Variants in CFAP299 observed in about 807,000 individuals in gnomAD.
The protein encoded by CFAP299 is cilia and flagella associated protein 299.
A neutral mutation model predicts 27.0 loss-of-function variants in CFAP299; 21 were observed. The ratio of observed to expected loss-of-function variants is 0.78; its 90% confidence interval spans 0.55 to 1.12. The LOEUF (loss-of-function observed/expected upper bound fraction) is 1.12, where lower values mean the gene tolerates loss of function less well. Ranked by LOEUF, CFAP299 falls within the 50% of genes most tolerant of loss-of-function variation. CFAP299 has a pLI of 0.00. For synonymous variants in CFAP299, 104 were observed against 98.1 expected, an observed-to-expected ratio of 1.06 and a Z score of -0.36; for missense variants, 310 against 276.6, an observed-to-expected ratio of 1.12 and a Z score of -0.86.
chr4:80,871,489 C>G (rs1331053717), intron 4 of CFAP299: 2 of 985,194 alleles, frequency 2.0e-6, no homozygotes, highest in South Asian at 4.7e-5. Context: ...CTTTATGATT[C>G]TTAAAACTTA....
At chr4:80,858,340 G>C (rs1052760459) in intron 3 of CFAP299, among the ~76,000 whole-genome samples, 3 of 151,538 alleles carry the variant, frequency 2.0e-5, no homozygotes, top group African/African-American at 7.3e-5. Flanking sequence ...CAATTTTGTT[G>C]ATCCTTTCAA....
At chr4:80,702,648 A>G (rs779087027) in intron 3 of CFAP299, among the ~76,000 whole-genome samples, 1 of 151,804 alleles carries the variant, frequency 6.6e-6, no homozygotes, top group African/African-American at 2.4e-5. Flanking sequence ...TAGCCTCACA[A>G]TGTCTGCTAA....
At chr4:80,887,841 G>C (rs78500805) in intron 4 of CFAP299, among the ~76,000 whole-genome samples, 6,105 of 152,122 alleles carry the variant, frequency 0.04, 426 homozygotes, top group African/African-American at 0.14. Context: ...TGAAGTTAAG[G>C]TGTAGAGTTC....
At chr4:80,344,156 C>A (rs1459547610) in intron 1 of CFAP299, among the ~76,000 whole-genome samples, 3 of 151,890 alleles carry the variant, frequency 2.0e-5, no homozygotes, top group Admixed American at 6.6e-5. Flanking sequence ...CAGAGCTGAA[C>A]TGAAGGAGAT....
intron 3 of CFAP299, among the ~76,000 whole-genome samples, chr4:80,684,276 G>A (rs796537259): frequency 5.0e-5 from 2 of 40,094 alleles, no homozygotes; most frequent in African/African-American, 8.4e-5. Context: ...CTTTTTTTTG[G>A]GGGGGGGGGA....
chr4:80,741,779 G>T (rs141824049), intron 3 of CFAP299, among the ~76,000 whole-genome samples: 2 of 152,218 alleles, frequency 1.3e-5, no homozygotes, highest in Non-Finnish European at 2.9e-5. Context: ...TGTAGTCCTT[G>T]TGTCCTAGAC....
At chr4:80,800,513 A>G (rs1452520246) in intron 3 of CFAP299, among the ~76,000 whole-genome samples, 4 of 36,168 alleles carry the variant, frequency 1.1e-4, no homozygotes, top group African/African-American at 4.7e-4. Flanking sequence ...ATTATATAAT[A>G]TATAATATAT....
At chr4:80,783,443 G>A (rs185723957) in intron 3 of CFAP299, among the ~76,000 whole-genome samples, 15 of 152,040 alleles carry the variant, frequency 9.9e-5, no homozygotes, top group African/African-American at 1.4e-4. Context: ...TCAGCAATTC[G>A]TCCAAGGTAG....
chr4:80,926,874 T>A (rs1180435705), intron 4 of CFAP299, among the ~76,000 whole-genome samples: 1 of 152,070 alleles, frequency 6.6e-6, no homozygotes, highest in Middle Eastern at 3.2e-3. Context: ...AAGAAGACCT[T>A]CAAAAGGAGA....
chr4:80,755,260 G>A (rs188619858), intron 3 of CFAP299, among the ~76,000 whole-genome samples: 188 of 152,064 alleles, frequency 1.2e-3, no homozygotes, highest in Non-Finnish European at 2.3e-3. Context: ...TAGGCTGCAT[G>A]TAAAATTGGC....
At chr4:80,388,401 C>T in intron 2 of CFAP299, 3 of 716,548 alleles carry the variant, frequency 4.2e-6, no homozygotes, top group Non-Finnish European at 7.6e-6. Flanking sequence ...GCCTGCTGGA[C>T]CGCTGTGGGT....
At chr4:80,648,316 G>A (rs983721911) in intron 3 of CFAP299, among the ~76,000 whole-genome samples, 1 of 152,158 alleles carries the variant, frequency 6.6e-6, no homozygotes, top group Non-Finnish European at 1.5e-5. Flanking sequence ...GAAACTCTGA[G>A]AGCAGTCACT....
At chr4:80,386,850 T>C (rs1237164028) in intron 2 of CFAP299, 2 of 879,896 alleles carry the variant, frequency 2.3e-6, no homozygotes, top group Non-Finnish European at 3.9e-6. Flanking sequence ...ATGTCTCTCT[T>C]ACAGTTTGTC....
At chr4:80,821,148 C>G (rs1290292790) in intron 3 of CFAP299, among the ~76,000 whole-genome samples, 1 of 152,130 alleles carries the variant, frequency 6.6e-6, no homozygotes, top group African/African-American at 2.4e-5. Context: ...TTGTTATTGA[C>G]TACTGTAATT....
intron 2 of CFAP299, among the ~76,000 whole-genome samples, chr4:80,398,735 C>A (rs1352141023): frequency 6.6e-6 from 1 of 152,154 alleles, no homozygotes; most frequent in South Asian, 2.1e-4. Flanking sequence ...ACCATAAAAA[C>A]CCTAGAATAA....
intron 3 of CFAP299, among the ~76,000 whole-genome samples, chr4:80,862,764 AC>A (rs1212622711): frequency 6.6e-6 from 1 of 152,072 alleles, no homozygotes; most frequent in Non-Finnish European, 1.5e-5. Context: ...GCTAAACATA[AC>A]CCTGTGAATT....
intron 2 of CFAP299, among the ~76,000 whole-genome samples, chr4:80,394,131 C>T (rs1725647150): frequency 6.6e-6 from 1 of 152,184 alleles, no homozygotes; most frequent in Non-Finnish European, 1.5e-5. Context: ...CCTGAGGCAT[C>T]TCCAGGCAAG....
chr4:80,428,693 A>AT (rs397880702), intron 2 of CFAP299, among the ~76,000 whole-genome samples: 11 of 17,364 alleles, frequency 6.3e-4, no homozygotes, highest in African/African-American at 6.9e-4. Context: ...TGCCTCGCTA[A>AT]TTTTTTTTTT....
intron 4 of CFAP299, among the ~76,000 whole-genome samples, chr4:80,940,146 C>T (rs763062004): frequency 2.6e-5 from 4 of 151,950 alleles, no homozygotes; most frequent in Admixed American, 6.6e-5. Context: ...ATAGAGCTCA[C>T]GGGTGGGCCT....
Sources: allele counts gnomAD v4.1 joint callset (sites outside exome capture counted in the v4.1 genomes callset), GRCh38; gene constraint gnomAD v4.1.1; transcripts MANE v1.5; gene names NCBI Gene and HGNC (gene_info 2026-07-23, HGNC 2026-07-21).